ADGRL3: variants seen among roughly 807,000 people sequenced by gnomAD.
ADGRL3 encodes the protein calcium-independent alpha-latrotoxin receptor 3.
In ADGRL3, 62 loss-of-function variants were observed where a neutral mutation model predicts 153.5. That is an observed-to-expected ratio of 0.40 (90% CI 0.33 to 0.50). The LOEUF (loss-of-function observed/expected upper bound fraction) is 0.50. Among genes scored for constraint, ADGRL3 ranks in the 20% least tolerant of loss-of-function variants. The pLI, the probability that ADGRL3 is intolerant of heterozygous loss-of-function variation, is 0.47. For synonymous variants in ADGRL3, 710 were observed against 672.5 expected (o/e 1.06, Z -0.86); for missense variants, 1,641 against 1,859.4 (o/e 0.88, Z 2.16).
chr4:61,641,123 C>A (rs962485885), intron 5 of ADGRL3, among the ~76,000 whole-genome samples: 13 of 152,016 alleles, frequency 8.6e-5, no homozygotes, highest in African/African-American at 3.1e-4. Context: ...AACCTTATTT[C>A]ACCTATTTTT....
At position 61,955,979 on chromosome 4, in the gene ADGRL3, T is replaced by C. The variant is rs542959317; in HGVS notation, c.2805+7703T>C. ...GGTTCCATGACTTTGCTATTGTAAA[T>C]AGTGCTTCAGTAAACATGCATGTGC... On this transcript the variant is annotated intron_variant, in intron 17 of 26. Coordinates refer to ENST00000683033, the MANE Select transcript of ADGRL3 (RefSeq NM_001387552.1). 3.3e-4 allele frequency among the ~76,000 whole-genome samples: 50 copies of C among 152,296 alleles called. No individual in the cohort carries two copies. The South Asian group carries it at 0.01, about 32-fold the overall frequency.
chr4:61,217,355 A>C (rs1021446233), intron 1 of ADGRL3, among the ~76,000 whole-genome samples: 4 of 152,176 alleles, frequency 2.6e-5, no homozygotes, highest in African/African-American at 9.6e-5. Flanking sequence ...AAGGTTGACT[A>C]GGCAGCCCTA....
chr4:61,664,980 C>T (rs2094734074), intron 5 of ADGRL3, among the ~76,000 whole-genome samples: 1 of 152,266 alleles, frequency 6.6e-6, no homozygotes, highest in South Asian at 2.1e-4. Flanking sequence ...CTAAGATGAT[C>T]GTGTAAACAT....
intron 9 of ADGRL3, among the ~76,000 whole-genome samples, chr4:61,828,512 A>G (rs902725938): frequency 6.6e-6 from 1 of 152,178 alleles, no homozygotes; most frequent in Admixed American, 6.6e-5. Flanking sequence ...TTGGTATCTT[A>G]CAGAAAATGA....
At chr4:61,579,511 C>T in intron 4 of ADGRL3, 1 of 463,320 alleles carries the variant, frequency 2.2e-6, no homozygotes, top group South Asian at 1.6e-5. Flanking sequence ...CATTTATTCA[C>T]ACACTTGCTG....
intron 4 of ADGRL3, among the ~76,000 whole-genome samples, chr4:61,566,617 C>T (rs2098817376): frequency 6.6e-6 from 1 of 151,834 alleles, no homozygotes; most frequent in Non-Finnish European, 1.5e-5. Flanking sequence ...TTAATTTTGG[C>T]ATAAACTGAA....
chr4:61,677,341 T>C (rs1196141261), intron 6 of ADGRL3: 2 of 379,232 alleles, frequency 5.3e-6, no homozygotes, highest in Non-Finnish European at 5.0e-6. Flanking sequence ...TATCTAAGCT[T>C]CATCTGCTGT....
At chr4:61,478,644 C>T (rs1471930701) in intron 2 of ADGRL3, among the ~76,000 whole-genome samples, 1 of 152,034 alleles carries the variant, frequency 6.6e-6, no homozygotes. Flanking sequence ...AACTCTTTGA[C>T]TCTTTCTGTA....
At chr4:61,404,426 T>C (rs1020473505) in intron 2 of ADGRL3, among the ~76,000 whole-genome samples, 2 of 152,020 alleles carry the variant, frequency 1.3e-5, no homozygotes, top group Admixed American at 6.6e-5. Flanking sequence ...TGCTTTCCAA[T>C]TGCAACTGAC....
chr4:61,787,171 C>T (rs1158885221), intron 8 of ADGRL3, among the ~76,000 whole-genome samples: 4 of 152,068 alleles, frequency 2.6e-5, no homozygotes, highest in Non-Finnish European at 4.4e-5. Context: ...AAGTCAATAA[C>T]ATCACAATTG....
At chr4:62,034,278 A>G (rs990404029) in intron 23 of ADGRL3, among the ~76,000 whole-genome samples, 2 of 151,732 alleles carry the variant, frequency 1.3e-5, no homozygotes, top group Admixed American at 1.3e-4. Flanking sequence ...AAATAAGTAT[A>G]TACACCCTAT....
rs138866084 is a variant in ADGRL3, at chr4:61,689,774, T to A, written c.583+12839T>A. On this transcript the variant is annotated intron_variant, in intron 6 of 26. Coordinates refer to ENST00000683033, the MANE Select transcript of ADGRL3 (RefSeq NM_001387552.1). The stretch of plus-strand genomic sequence containing the variant: ...TGGCCTTTGGTTGCTTTCAATATGA[T>A]CTATAATAAGGCACTTGGTGGCATA... Among the ~76,000 whole-genome samples, 79 of 152,266 alleles carry A rather than the reference T, an allele frequency of 5.2e-4. No individual in the cohort carries two copies. The East Asian group carries it at 9.5e-3, about 18-fold the overall frequency.
At chr4:61,790,356 G>A (rs1243671115) in intron 8 of ADGRL3, among the ~76,000 whole-genome samples, 1 of 152,122 alleles carries the variant, frequency 6.6e-6, no homozygotes, top group African/African-American at 2.4e-5. Context: ...TAGTAGGCCT[G>A]CCCTTATTGT....
At chr4:61,755,558 G>A (rs375794007) in intron 8 of ADGRL3, among the ~76,000 whole-genome samples, 60 of 151,856 alleles carry the variant, frequency 4.0e-4, no homozygotes, top group African/African-American at 1.2e-3. Flanking sequence ...ATTTTCTCCC[G>A]TTCTGTAGGT....
rs1029278211 is a variant in ADGRL3 at position 61,918,489 on chromosome 4, G to A, written c.2112+5732G>A. Among the ~76,000 whole-genome samples the A allele has an allele frequency of 4.6e-5, 7 of 152,090 alleles. No individual in the cohort carries two copies. In the East Asian group the frequency reaches 1.2e-3, roughly 25 times the overall value. ...AATGTTCTAGATGAATTCATCAAGG[G>A]GATGAGTGTAAAGAGAGAAAAGAAA... is the stretch of plus-strand genomic sequence containing the variant. On this transcript the variant is annotated intron_variant, in intron 13 of 26. Transcript: ENST00000683033.
chr4:61,291,220 A>ACACACGCACACACG (rs1367025897), intron 1 of ADGRL3, among the ~76,000 whole-genome samples: 13 of 150,496 alleles, frequency 8.6e-5, no homozygotes, highest in African/African-American at 2.7e-4. Flanking sequence ...ACACACACGC[A>ACACACGCACACACG]CACACACACA....
chr4:61,920,280 GTAAT>G (rs1331924860), intron 13 of ADGRL3, among the ~76,000 whole-genome samples: 1 of 152,010 alleles, frequency 6.6e-6, no homozygotes. Context: ...TTATATTAAG[GTAAT>G]TAATTAAGGT....
intron 9 of ADGRL3, among the ~76,000 whole-genome samples, chr4:61,829,585 T>A (rs2148841701): frequency 6.6e-6 from 1 of 152,276 alleles, no homozygotes; most frequent in Non-Finnish European, 1.5e-5. Context: ...GGAAAAAAAA[T>A]AGAACTTCTC....
At chr4:61,304,559 A>G (rs1451170255) in intron 1 of ADGRL3, among the ~76,000 whole-genome samples, 1 of 151,872 alleles carries the variant, frequency 6.6e-6, no homozygotes, top group African/African-American at 2.4e-5. Context: ...TATCCCTGTC[A>G]TGTTTTTTTC....
Sources: allele counts gnomAD v4.1 joint callset (sites outside exome capture counted in the v4.1 genomes callset), GRCh38; gene constraint gnomAD v4.1.1; transcripts MANE v1.5; gene names NCBI Gene and HGNC (gene_info 2026-07-23, HGNC 2026-07-21).